The following NOTCH3 variants were observed in gnomAD, a reference collection of about 807,000 sequenced individuals.
The protein encoded by NOTCH3 is notch receptor 3.
A neutral mutation model predicts 213.3 loss-of-function variants in NOTCH3; 86 were observed. The observed-to-expected ratio is 0.40, with a 90% CI of 0.34 to 0.48. NOTCH3 has a LOEUF of 0.48. NOTCH3 is among the 20% of genes least tolerant of loss of function. The probability of loss-of-function intolerance (pLI) is 0.57; values close to 1 mark genes in which losing one functional copy is unlikely to be tolerated. For missense variants in NOTCH3, 2,783 were observed against 3,272.6 expected, an observed-to-expected ratio of 0.85 and a Z score of 3.65; for synonymous variants, 1,354 against 1,355.9, an observed-to-expected ratio of 1.00 and a Z score of 0.03.
chr19:15,184,492 C>G, intron 15 of NOTCH3, 42 bp from the exon 16 acceptor site: 1 of 1,603,776 alleles, frequency 6.2e-7, no homozygotes, highest in African/African-American at 1.3e-5. Context: ...TTACAGGGTA[C>G]AGAGCAGGGT....
chr19:15,170,265 T>C, intron 27 of NOTCH3, 66 bp downstream of exon 27: 1 of 1,544,418 alleles, frequency 6.5e-7, no homozygotes, highest in Non-Finnish European at 8.9e-7. Context: ...CTGAGTCAGG[T>C]CAAGGCGGGG....
chr19:15,195,308 C>A (rs1177520957), intron 2 of NOTCH3, among the ~76,000 whole-genome samples: 4 of 152,046 alleles, frequency 2.6e-5, no homozygotes, highest in Non-Finnish European at 4.4e-5. Flanking sequence ...GCAGCCCCCT[C>A]CCCAAGCCCA....
rs1568347477 is a variant in NOTCH3, at chr19:15,165,752, C to G, written c.5667+35G>C. 1 of 1,604,114 alleles carries G rather than the reference C, an allele frequency of 6.2e-7. No homozygotes were observed. Among genetic ancestry groups the G allele is most frequent in the Admixed American group, 1.7e-5 (1 of 59,994 alleles). Reference sequence around the variant, plus strand: ...AACCCAGGTAAGTCTAATGCCTGCCCCAGCTCTGAGGTCCAAAGTGTGTGC... The same window carrying G: ...AACCCAGGTAAGTCTAATGCCTGCCGCAGCTCTGAGGTCCAAAGTGTGTGC... On this transcript the variant is annotated intron_variant, in intron 30 of 32. Coordinates refer to ENST00000263388, the MANE Select transcript of NOTCH3 (RefSeq NM_000435.3). The surrounding 1 kb of genome is among the most constrained non-coding windows in gnomAD (Gnocchi z 4.7).
chr19:15,173,760 G>GAAAGAAAGAA, intron 25 of NOTCH3, among the ~76,000 whole-genome samples: 1 of 2,718 alleles, frequency 3.7e-4, no homozygotes, highest in African/African-American at 4.1e-3. Flanking sequence ...GAAGGAGAAG[G>GAAAGAAAGAA]AGAAGGAGAA....
intron 2 of NOTCH3, among the ~76,000 whole-genome samples, chr19:15,197,140 G>C (rs1368153315): frequency 1.3e-5 from 2 of 152,276 alleles, no homozygotes; most frequent in East Asian, 3.9e-4. Flanking sequence ...ATTGGTCCCT[G>C]ATAGTTTGTT....
In NOTCH3 at chr19:15,180,974, C is replaced by A. The variant is rs772115737; in HGVS notation, c.2981G>T (p.Gly994Val). ...AACTCCACCCACCTGGCACTGCGGGCCCGTGAAGCTCTCGAGGCAGGTGCA... is the reference window on the plus strand; with the variant it reads ...AACTCCACCCACCTGGCACTGCGGGACCGTGAAGCTCTCGAGGCAGGTGCA... ...FRCTCLESFT[G>V]PQCQTLVDWC... Residue 994 changes from glycine to valine, a missense_variant, in exon 18 of 33, where the codon GGC becomes GTC. Physicochemically the swap from Gly to Val is moderately radical, Grantham distance 109. This residue lies in a region of NOTCH3 where 861 missense variants were observed against 909.1 expected (regional missense o/e 0.95). Transcript: ENST00000263388. The A allele has an allele frequency of 6.3e-7, 1 of 1,593,626 alleles. No homozygotes were observed.
In NOTCH3 at chr19:15,177,908, C is replaced by G; in HGVS notation, c.4020G>C (p.Ala1340=). 2 of 1,272,054 alleles carry G rather than the reference C, an allele frequency of 1.6e-6. No individual in the cohort carries two copies. Among genetic ancestry groups the G allele is most frequent in the South Asian group, 5.4e-5 (2 of 37,046 alleles). 78.8% of individuals were successfully genotyped at this position (1,272,054 alleles called of 1,614,324 possible). A position where few individuals can be genotyped will look rare whatever the true frequency, so the allele number is the denominator to read the frequency against. Residue 1340 remains alanine (A), a synonymous_variant, in exon 24 of 33, where the codon GCG becomes GCC. Coordinates refer to ENST00000263388, the MANE Select transcript of NOTCH3 (RefSeq NM_000435.3). ...AGCCCCCGTGGAGACAGGGGGCGGC[C>G]GCGCAGCTGGCGTTGCTGGCCCCCG... is the stretch of plus-strand genomic sequence containing the variant. The part of the protein sequence containing the change: ...SPPGASNASC[A]AAPCLHGGSC...
chr19:15,198,467 G>T (rs1198520741), intron 1 of NOTCH3, among the ~76,000 whole-genome samples: 4 of 152,102 alleles, frequency 2.6e-5, no homozygotes, highest in Admixed American at 6.5e-5. Context: ...GAAATAGAAA[G>T]CGGCCAGGCA....
At position 15,170,823 on chromosome 19, in the gene NOTCH3, G is replaced by C. The variant is rs2046727635; in HGVS notation, c.4739C>G (p.Ser1580Trp). 1 of 1,613,070 alleles carries C rather than the reference G, an allele frequency of 6.2e-7. No homozygotes were observed. The highest frequency in any genetic ancestry group is 8.5e-7 in the Non-Finnish European group (1 of 1,179,892). ...GTTGTCAATCTCCAGCATTACTACC[G>C]AGCTGCAGGGACAGCAGGGAGGGAC... Reference protein sequence around the residue: ...RRELAPEVIGSVVMLEIDNRL... With the variant: ...RRELAPEVIGWVVMLEIDNRL... The change falls in exon 26 of 33, where the codon TCG (serine) becomes TGG (tryptophan). Residue 1580 changes from serine (S) to tryptophan (W), a missense_variant and splice_region_variant. Ser to Trp is a radical substitution (Grantham distance 177). This residue lies in a region of NOTCH3 where 636 missense variants were observed against 801.8 expected (regional missense o/e 0.79). Transcript: ENST00000263388.
Position 15,185,608 on chromosome 19 carries a change from C to T in NOTCH3, c.2023G>A (p.Gly675Arg). 1 of 1,613,658 alleles carries T rather than the reference C, an allele frequency of 6.2e-7. No homozygotes were observed. The highest frequency in any genetic ancestry group is 1.1e-5 in the South Asian group (1 of 91,074). ...CAGAGGCAGCGGAAGCCATTTTCCC[C>T]ATCCACACAGGAACCTCCCTCGCCG... Reference protein sequence around the residue: ...PCGEGGSCVDGENGFRCLCPP... With the variant: ...PCGEGGSCVDRENGFRCLCPP... The change falls in exon 13 of 33, where the codon GGG becomes AGG. Residue 675 changes from glycine to arginine, a missense_variant. Around this residue, in one of 6 missense-constraint regions of NOTCH3, gnomAD observed 861 missense variants for 909.1 expected, o/e 0.95. Transcript: ENST00000263388. This position sits in a 1 kb window ranked among gnomAD's most constrained non-coding sequence, Gnocchi z 4.2.
intron 6 of NOTCH3, 26 bp downstream of exon 6, chr19:15,191,398 T>C: frequency 3.8e-6 from 6 of 1,592,870 alleles, no homozygotes; most frequent in Non-Finnish European, 5.2e-6. Flanking sequence ...CATCCATGGC[T>C]CCCTGCAGAG....
intron 2 of NOTCH3, among the ~76,000 whole-genome samples, chr19:15,192,917 A>AAAAAC (rs2046941700): frequency 6.6e-6 from 1 of 151,644 alleles, no homozygotes; most frequent in African/African-American, 2.4e-5. Flanking sequence ...TCGGTCTCAA[A>AAAAAC]GAAACAAAAC....
In NOTCH3 at chr19:15,185,418, G is replaced by A. The variant is rs2145429783; in HGVS notation, c.2145-10C>T. On this transcript the variant is annotated splice_polypyrimidine_tract_variant and intron_variant, in intron 13 of 32. Transcript: ENST00000263388. This position sits in a 1 kb window ranked among gnomAD's most constrained non-coding sequence, Gnocchi z 4.2. ...ACACACACAGCGGAACCTGGCAGGGGAAGGTAGTCAGGCCAGGGAGGTGGG... is the reference window on the plus strand; with the variant it reads ...ACACACACAGCGGAACCTGGCAGGGAAAGGTAGTCAGGCCAGGGAGGTGGG... The A allele has an allele frequency of 2.5e-6, 4 of 1,612,068 alleles. No individual in the cohort carries two copies. In the Admixed American group the frequency reaches 5.0e-5, roughly 20 times the overall value.
In NOTCH3 at chr19:15,191,578, C is replaced by A. The variant is rs998446906; in HGVS notation, c.882G>T (p.Thr294=). The A allele has an allele frequency of 1.9e-6, 3 of 1,613,702 alleles. No homozygotes were observed. Among genetic ancestry groups the A allele is most frequent in the East Asian group, 4.5e-5 (2 of 44,872 alleles). ...ACHNGGTCFN[T]LGGHSCVCVN... ...CACACACGCAGCTGTGGCCACCCAG[C>A]GTGTTGAAGCAGGTACCCCCATTGT... The change falls in exon 6 of 33, where the codon ACG becomes ACT. Residue 294 remains threonine, a synonymous_variant. Coordinates refer to ENST00000263388, the MANE Select transcript of NOTCH3 (RefSeq NM_000435.3).
chr19:15,162,350 G>T, intron 32 of NOTCH3, 115 bp downstream of exon 32: 1 of 833,526 alleles, frequency 1.2e-6, no homozygotes, highest in Non-Finnish European at 2.0e-6. Context: ...TTAATCCAAT[G>T]TTTGGGGTTT....
At chr19:15,192,608 G>A in intron 2 of NOTCH3, 89 bp from the exon 3 acceptor site, 1 of 1,504,306 alleles carries the variant, frequency 6.6e-7, no homozygotes, top group Middle Eastern at 2.2e-4. Context: ...AAACACGCAG[G>A]GAAACAGAGC....
Position 15,165,701 on chromosome 19 carries a change from A to T in NOTCH3, c.5667+86T>A. The T allele has an allele frequency of 6.7e-7, 1 of 1,501,444 alleles. No homozygotes were observed. Among genetic ancestry groups the T allele is most frequent in the Non-Finnish European group, 9.1e-7 (1 of 1,099,610 alleles). 93.0% of individuals were successfully genotyped at this position (1,501,444 alleles called of 1,614,324 possible). On this transcript the variant is annotated intron_variant, in intron 30 of 32. Transcript: ENST00000263388. The surrounding 1 kb of genome is among the most constrained non-coding windows in gnomAD (Gnocchi z 4.7). Reference sequence around the variant, plus strand: ...CCCATTTTCCAAATGAGAAAAAATGAGTCTGAAAGGCAGAACTGGGGCTCA... The same window carrying T: ...CCCATTTTCCAAATGAGAAAAAATGTGTCTGAAAGGCAGAACTGGGGCTCA...
chr19:15,180,515 C>T (rs565612162), intron 19 of NOTCH3, among the ~76,000 whole-genome samples, 166 bp downstream of exon 19: 1 of 152,222 alleles, frequency 6.6e-6, no homozygotes, highest in Non-Finnish European at 1.5e-5. Context: ...CAGACACACA[C>T]CATCCCGGCC....
chr19:15,186,615 C>T (rs150872977), intron 12 of NOTCH3, among the ~76,000 whole-genome samples: 1,945 of 152,122 alleles, frequency 0.013, 22 homozygotes, highest in Middle Eastern at 0.051. Context: ...ACGTTGGCCA[C>T]GCTGGTCTCG....
Sources: allele counts gnomAD v4.1 joint callset (sites outside exome capture counted in the v4.1 genomes callset), GRCh38; gene constraint gnomAD v4.1.1; regional missense constraint gnomAD v4.1.1; non-coding constraint Gnocchi (gnomAD v3.1); transcripts MANE v1.5; gene names NCBI Gene and HGNC (gene_info 2026-07-23, HGNC 2026-07-21).